LRRC49: variants seen among roughly 807,000 people sequenced by gnomAD.
The protein encoded by LRRC49 is leucine rich repeat containing 49.
In LRRC49, 50 loss-of-function variants were observed where a neutral mutation model predicts 83.3. The observed-to-expected ratio is 0.60, with a 90% CI of 0.48 to 0.76. The LOEUF (loss-of-function observed/expected upper bound fraction) is 0.76. Among genes scored for constraint, LRRC49 ranks in the 30% least tolerant of loss-of-function variants. The pLI is 0.00. For missense variants in LRRC49, 704 were observed against 809.1 expected (o/e 0.87, Z 1.58); for synonymous variants, 286 against 283.3 (o/e 1.01, Z -0.10).
intron 14 of LRRC49, among the ~76,000 whole-genome samples, chr15:71,026,415 C>A (rs1009697019): frequency 3.9e-5 from 6 of 152,228 alleles, no homozygotes; most frequent in Non-Finnish European, 8.8e-5. Flanking sequence ...GATTTATAAT[C>A]TTTTGGGTAT....
intron 14 of LRRC49, among the ~76,000 whole-genome samples, chr15:71,015,233 A>G (rs1403296712): frequency 6.6e-6 from 1 of 152,204 alleles, no homozygotes; most frequent in Non-Finnish European, 1.5e-5. Context: ...TTTTAAAATA[A>G]TGAGATAACT....
intron 9 of LRRC49, among the ~76,000 whole-genome samples, chr15:70,977,472 C>G (rs1238815407): frequency 6.6e-6 from 1 of 152,108 alleles, no homozygotes; most frequent in African/African-American, 2.4e-5. Flanking sequence ...TGGTAAAACC[C>G]TGTCTCTACT....
chr15:70,865,353 G>A (rs1403309713), intron 1 of LRRC49, among the ~76,000 whole-genome samples: 1 of 108,942 alleles, frequency 9.2e-6, no homozygotes, highest in Non-Finnish European at 2.2e-5. Flanking sequence ...ACTTCAGCCT[G>A]TCTTCTAAAG....
At chr15:70,916,837 G>C (rs2034797003) in intron 6 of LRRC49, among the ~76,000 whole-genome samples, 1 of 152,182 alleles carries the variant, frequency 6.6e-6, no homozygotes, top group South Asian at 2.1e-4. Flanking sequence ...GCAGGCAGGA[G>C]CCCCGCCCTC....
At chr15:71,049,329 T>A in intron 15 of LRRC49, 80 bp from the exon 16 acceptor site, 1 of 898,270 alleles carries the variant, frequency 1.1e-6, no homozygotes, top group East Asian at 2.6e-5. Flanking sequence ...TTATTTCAAT[T>A]TTCTGTGGTT....
chr15:70,905,481 GAAA>G (rs889323963), intron 5 of LRRC49, among the ~76,000 whole-genome samples: 39 of 151,716 alleles, frequency 2.6e-4, no homozygotes, highest in African/African-American at 8.9e-4. Flanking sequence ...CTCGTTGCAG[GAAA>G]AAAAAGTATT....
At chr15:70,929,831 A>T (rs929781612) in intron 7 of LRRC49, among the ~76,000 whole-genome samples, 12 of 152,002 alleles carry the variant, frequency 7.9e-5, no homozygotes, top group African/African-American at 2.7e-4. Flanking sequence ...GTAAGAAGTG[A>T]CTCCTCATCT....
At chr15:71,041,316 G>T (rs1225369020) in intron 15 of LRRC49, among the ~76,000 whole-genome samples, 1 of 152,068 alleles carries the variant, frequency 6.6e-6, no homozygotes, top group Non-Finnish European at 1.5e-5. Context: ...TGAAACAAGA[G>T]AAGGAAATCA....
chr15:70,999,515 G>GT (rs2038189009), intron 11 of LRRC49, among the ~76,000 whole-genome samples: 1 of 152,114 alleles, frequency 6.6e-6, no homozygotes, highest in South Asian at 2.1e-4. Context: ...CTATCGATTG[G>GT]TTCTGTTTTG....
At chr15:70,856,167 A>G (rs1381070957) in intron 1 of LRRC49, among the ~76,000 whole-genome samples, 3 of 152,230 alleles carry the variant, frequency 2.0e-5, no homozygotes, top group Non-Finnish European at 4.4e-5. Flanking sequence ...CTTAAAATAT[A>G]GATTCTGAAA....
chr15:70,922,839 AG>A (rs2141137595), intron 7 of LRRC49, among the ~76,000 whole-genome samples: 1 of 152,212 alleles, frequency 6.6e-6, no homozygotes, highest in South Asian at 2.1e-4. Context: ...AAAATTTTAA[AG>A]CAAAAAATTA....
chr15:70,858,702 C>G (rs2032711424), intron 1 of LRRC49: 3 of 761,482 alleles, frequency 3.9e-6, no homozygotes, highest in Non-Finnish European at 6.3e-6. Context: ...GCCTCCACTC[C>G]TGCCTCCACC....
intron 14 of LRRC49, among the ~76,000 whole-genome samples, chr15:71,017,784 A>G (rs1475723854): frequency 1.3e-5 from 2 of 152,184 alleles, no homozygotes; most frequent in Non-Finnish European, 2.9e-5. Flanking sequence ...GGTGGAAGGT[A>G]GTTTCACAAT....
In LRRC49 at chr15:70,901,663, G is replaced by A. The variant is rs563713599; in HGVS notation, c.296+639G>A. Among the ~76,000 whole-genome samples the A allele has an allele frequency of 5.9e-5, 9 of 152,054 alleles. No individual in the cohort carries two copies. In the South Asian group the frequency reaches 1.5e-3, roughly 25 times the overall value. On this transcript the variant is annotated intron_variant, in intron 4 of 15. Transcript: ENST00000260382. ...TCTGCTTTCATTATTTTTCTTCTTA[G>A]CATTTATTACCCTATAACATAATAA...
intron 8 of LRRC49, among the ~76,000 whole-genome samples, chr15:70,941,693 C>G (rs922808165): frequency 6.6e-6 from 1 of 152,070 alleles, no homozygotes; most frequent in African/African-American, 2.4e-5. Flanking sequence ...CTCCTTATAT[C>G]AGCATCTATA....
chr15:70,888,191 T>C (rs1440878649), upstream of LRRC49, among the ~76,000 whole-genome samples: 1 of 152,146 alleles, frequency 6.6e-6, no homozygotes, highest in Non-Finnish European at 1.5e-5. Flanking sequence ...AATTCTGAAA[T>C]GTATCTAGAA....
At chr15:71,007,709 GTATATATATATATATATATATA>G (rs55946096) in intron 11 of LRRC49, among the ~76,000 whole-genome samples, 1 of 137,706 alleles carries the variant, frequency 7.3e-6, no homozygotes. Context: ...TGAGAAGCAT[GTATATATATATATATATATATA>G]TATATATATA....
chr15:70,910,769 C>T (rs1460222823), intron 5 of LRRC49, among the ~76,000 whole-genome samples: 1 of 152,136 alleles, frequency 6.6e-6, no homozygotes, highest in African/African-American at 2.4e-5. Context: ...TGGGTACCTA[C>T]TTGGCACCAG....
At chr15:70,955,736 G>GT (rs147106332) in intron 8 of LRRC49, among the ~76,000 whole-genome samples, 4,104 of 151,768 alleles carry the variant, frequency 0.027, 182 homozygotes, top group African/African-American at 0.093. Context: ...GTCCTCATTT[G>GT]TTTTTTTTAG....
Sources: gnomAD v4.1 joint callset for allele counts (sites outside exome capture counted in the v4.1 genomes callset) on GRCh38, gnomAD v4.1.1 for gene constraint, MANE v1.5 for transcripts, NCBI Gene and HGNC (gene_info 2026-07-23, HGNC 2026-07-21) for gene names.